EPB41L2: variants seen among roughly 807,000 people sequenced by gnomAD.
EPB41L2 encodes erythrocyte membrane protein band 4.1 like 2.
Under a neutral mutation model 113.0 loss-of-function variants are expected in EPB41L2, and 43 were observed. That is an observed-to-expected ratio of 0.38 (90% CI 0.30 to 0.49). The LOEUF is 0.49. EPB41L2 is among the 20% of genes least tolerant of loss of function. EPB41L2 has a pLI of 0.95. For synonymous variants in EPB41L2, 442 were observed against 436.7 expected (o/e 1.01, Z -0.15); for missense variants, 1,147 against 1,223.4 (o/e 0.94, Z 0.93).
At chr6:130,929,890 CACACACAT>C (rs879817066) in intron 3 of EPB41L2, among the ~76,000 whole-genome samples, 2,724 of 129,080 alleles carry the variant, frequency 0.021, 38 homozygotes, top group Non-Finnish European at 0.031. Flanking sequence ...CACACACACA[CACACACAT>C]ACACGCACAG....
intron 3 of EPB41L2, among the ~76,000 whole-genome samples, chr6:130,953,329 G>A (rs937792196): frequency 4.6e-5 from 7 of 152,074 alleles, no homozygotes; most frequent in Non-Finnish European, 8.8e-5. Flanking sequence ...AAAAGAGCAG[G>A]AGAAGAAAAG....
intron 1 of EPB41L2, chr6:131,062,531 G>C (rs1798874965): frequency 1.3e-5 from 2 of 151,676 alleles, no homozygotes; most frequent in South Asian, 2.1e-4. Context: ...GCGGCAGCTG[G>C]GGGCGCGGAC....
intron 1 of EPB41L2, among the ~76,000 whole-genome samples, chr6:130,980,404 T>C (rs1779136018): frequency 6.6e-6 from 1 of 151,908 alleles, no homozygotes; most frequent in Non-Finnish European, 1.5e-5. Context: ...GAATGGCATG[T>C]AGTTCAAAAA....
intron 1 of EPB41L2, among the ~76,000 whole-genome samples, chr6:130,965,248 G>C (rs1774773311): frequency 6.6e-6 from 1 of 152,190 alleles, no homozygotes; most frequent in Non-Finnish European, 1.5e-5. Context: ...AATAAGATTA[G>C]CATTCATAGT....
At chr6:130,851,770 C>A (rs148359971) in intron 19 of EPB41L2, among the ~76,000 whole-genome samples, 77 of 152,320 alleles carry the variant, frequency 5.1e-4, no homozygotes, top group African/African-American at 1.9e-3. Context: ...ATATTTAATA[C>A]TTGGTTACTC....
intron 1 of EPB41L2, among the ~76,000 whole-genome samples, chr6:130,962,832 T>C (rs1220156912): frequency 6.6e-6 from 1 of 152,122 alleles, no homozygotes; most frequent in Non-Finnish European, 1.5e-5. Context: ...CAGATTGGCC[T>C]CAAGGGTAGC....
chr6:130,921,739 C>T (rs1404715024), intron 4 of EPB41L2, among the ~76,000 whole-genome samples: 1 of 152,162 alleles, frequency 6.6e-6, no homozygotes, highest in African/African-American at 2.4e-5. Context: ...ACCACAGGCC[C>T]TTGTCAGGTA....
At chr6:131,016,417 G>A (rs1788208254) in intron 1 of EPB41L2, among the ~76,000 whole-genome samples, 3 of 150,530 alleles carry the variant, frequency 2.0e-5, no homozygotes, top group Admixed American at 1.3e-4. Flanking sequence ...TCAGGTATTC[G>A]CTTCTGGAAA....
intron 16 of EPB41L2, among the ~76,000 whole-genome samples, chr6:130,866,571 G>A (rs1219064987): frequency 6.6e-6 from 1 of 152,132 alleles, no homozygotes; most frequent in Admixed American, 6.5e-5. Flanking sequence ...TGGGATCAAG[G>A]CACACACAAG....
chr6:131,042,012 T>TA (rs1794547807), intron 1 of EPB41L2, among the ~76,000 whole-genome samples: 1 of 152,210 alleles, frequency 6.6e-6, no homozygotes. Flanking sequence ...AATGAAGTGA[T>TA]AAACTGTGCT....
At chr6:130,953,509 G>A (rs12197771) in intron 3 of EPB41L2, among the ~76,000 whole-genome samples, 2 of 151,994 alleles carry the variant, frequency 1.3e-5, no homozygotes, top group African/African-American at 2.4e-5. Context: ...ACACACTGGG[G>A]CCTATCATGG....
intron 19 of EPB41L2, among the ~76,000 whole-genome samples, chr6:130,841,268 C>T (rs1775407364): frequency 6.7e-6 from 1 of 150,346 alleles, no homozygotes. Flanking sequence ...GACGAAAAGA[C>T]CAGTTGGCAA....
chr6:130,985,256 C>T (rs1374938144), intron 1 of EPB41L2, among the ~76,000 whole-genome samples: 1 of 152,152 alleles, frequency 6.6e-6, no homozygotes, highest in African/African-American at 2.4e-5. Flanking sequence ...TGCTCCTCCC[C>T]CACTCTGAGC....
At chr6:130,842,645 T>C (rs1775877843) in intron 19 of EPB41L2, among the ~76,000 whole-genome samples, 1 of 152,148 alleles carries the variant, frequency 6.6e-6, no homozygotes, top group Non-Finnish European at 1.5e-5. Flanking sequence ...CTTTATTGCT[T>C]TGCATCTGTT....
chr6:130,883,309 T>A (rs1208444717), intron 12 of EPB41L2: 2 of 152,374 alleles, frequency 1.3e-5, no homozygotes, highest in Non-Finnish European at 2.9e-5. Context: ...AGGGACCATA[T>A]TAACACAGTG....
chr6:130,885,985 G>A (rs1411615035), intron 11 of EPB41L2, among the ~76,000 whole-genome samples: 1 of 152,116 alleles, frequency 6.6e-6, no homozygotes, highest in Non-Finnish European at 1.5e-5. Context: ...CTGTCATAGT[G>A]CAGATCAAAC....
At chr6:130,956,670 G>A (rs1562586956) in intron 1 of EPB41L2, among the ~76,000 whole-genome samples, 171 bp from the exon 2 acceptor site, 1 of 152,170 alleles carries the variant, frequency 6.6e-6, no homozygotes, top group Admixed American at 6.5e-5. Flanking sequence ...ACTGTTGCTC[G>A]AACTTTTAGA....
chr6:130,848,199 T>TCACACACACACACA (rs66469665), intron 19 of EPB41L2, among the ~76,000 whole-genome samples: 12 of 113,408 alleles, frequency 1.1e-4, no homozygotes, highest in African/African-American at 4.9e-4. Flanking sequence ...TCTCTCTCTC[T>TCACACACACACACA]CACACACACA....
chr6:130,987,607 C>T (rs1431320400), intron 1 of EPB41L2, among the ~76,000 whole-genome samples: 2 of 151,850 alleles, frequency 1.3e-5, no homozygotes, highest in African/African-American at 4.8e-5. Context: ...GCAGGAGAAT[C>T]ACTTGAACCC....
Sources: gnomAD v4.1 joint callset for allele counts (sites outside exome capture counted in the v4.1 genomes callset) on GRCh38, gnomAD v4.1.1 for gene constraint, MANE v1.5 for transcripts, NCBI Gene and HGNC (gene_info 2026-07-23, HGNC 2026-07-21) for gene names.